Variants in RMC1 observed in about 807,000 individuals in gnomAD.
RMC1 encodes the protein regulator of MON1-CCZ1 complex.
A neutral mutation model predicts 95.5 loss-of-function variants in RMC1; 44 were observed. That is an observed-to-expected ratio of 0.46 (90% CI 0.36 to 0.59). The LOEUF (loss-of-function observed/expected upper bound fraction) is 0.59, where lower values mean the gene tolerates loss of function less well. Ranked by LOEUF, RMC1 falls within the 20% of genes least tolerant of loss-of-function variation. The pLI, the probability that RMC1 is intolerant of heterozygous loss-of-function variation, is 0.00. For missense variants in RMC1, 705 were observed against 819.6 expected, an observed-to-expected ratio of 0.86 and a Z score of 1.71; for synonymous variants, 320 against 303.6, an observed-to-expected ratio of 1.05 and a Z score of -0.56.
At chr18:23,510,931 G>C (rs548117639) in intron 5 of RMC1, among the ~76,000 whole-genome samples, 2 of 152,344 alleles carry the variant, frequency 1.3e-5, no homozygotes, top group African/African-American at 4.8e-5. Flanking sequence ...TCCTCAGAGA[G>C]CTAAAAGCAG....
At chr18:23,512,969 T>G (rs2057902489) in intron 5 of RMC1, among the ~76,000 whole-genome samples, 1 of 152,118 alleles carries the variant, frequency 6.6e-6, no homozygotes, top group Non-Finnish European at 1.5e-5. Context: ...CTCCTTTTTT[T>G]TTAAGATGGA....
intron 5 of RMC1, among the ~76,000 whole-genome samples, chr18:23,515,275 CT>C (rs2057969767): frequency 6.6e-6 from 1 of 152,196 alleles, no homozygotes; most frequent in African/African-American, 2.4e-5. Flanking sequence ...GCTATAATTG[CT>C]TTGTTAAGGG....
intron 16 of RMC1, 28 bp from the exon 17 acceptor site, chr18:23,530,000 T>G (rs936330587): frequency 1.2e-5 from 19 of 1,574,866 alleles, no homozygotes; most frequent in Non-Finnish European, 1.7e-5. Flanking sequence ...TTTGGAAGTG[T>G]TCTTTCACTT....
chr18:23,525,187 C>T (rs1470017853), intron 12 of RMC1, among the ~76,000 whole-genome samples: 3 of 151,818 alleles, frequency 2.0e-5, no homozygotes, highest in Non-Finnish European at 1.5e-5. Context: ...CTCAGGTGAT[C>T]CGCCTGCCTC....
At chr18:23,531,492 C>A (rs2058505273) in intron 19 of RMC1, 133 bp from the exon 20 acceptor site, 2 of 1,463,768 alleles carry the variant, frequency 1.4e-6, no homozygotes, top group Non-Finnish European at 1.8e-6. Context: ...TAGGGTAACC[C>A]CAAAACTTAG....
Position 23,509,631 on chromosome 18 carries a change from C to T in RMC1, c.408+352C>T, listed in dbSNP as rs144099036. Reference sequence around the variant, plus strand: ...CTGGTGGAGTGCAATGGCGCGATCTCGGCTCACCGCAACCTCCGCCTCCCA... The same window carrying T: ...CTGGTGGAGTGCAATGGCGCGATCTTGGCTCACCGCAACCTCCGCCTCCCA... On this transcript the variant is annotated intron_variant, in intron 5 of 19. Coordinates refer to ENST00000269221, the MANE Select transcript of RMC1 (RefSeq NM_013326.5). The T allele has an allele frequency of 3.4e-4, 52 of 153,064 alleles. No homozygotes were observed. The East Asian group carries it at 8.3e-3, about 25-fold the overall frequency. 9.5% of individuals were successfully genotyped at this position (153,064 alleles called of 1,614,324 possible). A position where few individuals can be genotyped will look rare whatever the true frequency, so the allele number is the denominator to read the frequency against.
intron 8 of RMC1, 29 bp downstream of exon 8, chr18:23,519,008 T>G (rs369095754): frequency 2.1e-5 from 34 of 1,613,418 alleles, no homozygotes; most frequent in Non-Finnish European, 2.9e-5. Flanking sequence ...TTTCCCTCTC[T>G]CTCTGATTTT....
intron 10 of RMC1, among the ~76,000 whole-genome samples, 159 bp from the exon 11 acceptor site, chr18:23,523,971 C>T (rs1013469802): frequency 2.0e-5 from 3 of 152,142 alleles, no homozygotes; most frequent in East Asian, 1.9e-4. Context: ...CCTCCCCGTA[C>T]GTGCTTTCAG....
At position 23,515,912 on chromosome 18, in the gene RMC1, T is replaced by C. The variant is rs202129997; in HGVS notation, c.465T>C (p.Asn155=). ...KLLKSHNLNV[N]WYMYCPESAV... ...TGAAGAGCCACAATCTCAATGTGAA[T>C]TGGTACATGTACTGCCCCGAGAGCG... The change falls in exon 6 of 20, where the codon AAT becomes AAC. Residue 155 remains asparagine, a synonymous_variant. Transcript: ENST00000269221. 59 of 1,614,026 alleles carry C rather than the reference T, an allele frequency of 3.7e-5. No homozygotes were observed. Among genetic ancestry groups the C allele is most frequent in the Non-Finnish European group, 5.0e-5 (59 of 1,180,026 alleles).
At chr18:23,529,423 G>C (rs2058416076) in intron 15 of RMC1, 125 bp downstream of exon 15, 1 of 1,434,266 alleles carries the variant, frequency 7.0e-7, no homozygotes, top group Non-Finnish European at 9.2e-7. Flanking sequence ...GTTTCCTTGG[G>C]TGAGGCCCTA....
At position 23,520,200 on chromosome 18, in the gene RMC1, A is replaced by C; in HGVS notation, c.850-2A>C. 1.2e-6 allele frequency: 2 copies of C among 1,610,948 alleles called. No homozygotes were observed. Among genetic ancestry groups the C allele is most frequent in the Non-Finnish European group, 1.7e-6 (2 of 1,177,178 alleles). Reference sequence around the variant, plus strand: ...CCTCAGTCTTGTCTTTTTCCCCCCCAGACATCGGTAATATTCGATATCAAG... The same window carrying C: ...CCTCAGTCTTGTCTTTTTCCCCCCCCGACATCGGTAATATTCGATATCAAG... On this transcript the variant is annotated splice_acceptor_variant, in intron 9 of 19. Transcript: ENST00000269221. LOFTEE classifies it high-confidence loss of function.
Position 23,527,406 on chromosome 18 carries a change from A to T in RMC1, c.1190-389A>T, listed in dbSNP as rs115650809. On this transcript the variant is annotated intron_variant, in intron 13 of 19. Transcript: ENST00000269221. ...GAGCAAGACCCTGTATCCAAAAAAA[A>T]ATAATAATAATAATCCCCTACCAAT... Among the ~76,000 whole-genome samples the T allele has an allele frequency of 3.4e-3, 519 of 151,408 alleles. 3 individuals carry two copies. Among genetic ancestry groups the T allele is most frequent in the African/African-American group, 0.012 (501 of 41,264 alleles).
chr18:23,509,246 C>G lies in RMC1; in HGVS notation c.375C>G (p.Val125=). ...GFCWTSSTEI[V]FITDQGIEFY... ...GCTGGACTAGTTCAACTGAAATTGT[C>G]TTCATAACAGATCAAGGAATCGAAT... The change falls in exon 5 of 20, where the codon GTC becomes GTG. Residue 125 remains valine, a synonymous_variant. Transcript: ENST00000269221. 6.9e-7 allele frequency: 1 copy of G among 1,457,904 alleles called. No homozygotes were observed. Among genetic ancestry groups the G allele is most frequent in the Non-Finnish European group, 9.1e-7 (1 of 1,101,820 alleles). 90.3% of individuals were successfully genotyped at this position (1,457,904 alleles called of 1,614,324 possible).
At chr18:23,524,098 C>A in intron 10 of RMC1, 32 bp from the exon 11 acceptor site, 1 of 1,612,618 alleles carries the variant, frequency 6.2e-7, no homozygotes, top group Non-Finnish European at 8.5e-7. Context: ...TTTCTGACTG[C>A]ATCGTTGCAC....
intron 13 of RMC1, 74 bp from the exon 14 acceptor site, chr18:23,527,721 C>T (rs2058347711): frequency 1.6e-5 from 19 of 1,159,726 alleles, no homozygotes; most frequent in Non-Finnish European, 2.3e-5. Flanking sequence ...TAGTTTTTAT[C>T]ATAGCAACGT....
At chr18:23,525,027 A>G (rs929722429) in intron 12 of RMC1, among the ~76,000 whole-genome samples, 6 of 141,978 alleles carry the variant, frequency 4.2e-5, no homozygotes, top group Admixed American at 1.5e-4. Context: ...GCTCACTGCA[A>G]CCTCCGCCTC....
chr18:23,518,856 A>G (rs766871888), intron 7 of RMC1, 34 bp from the exon 8 acceptor site: 100 of 1,591,950 alleles, frequency 6.3e-5, no homozygotes, highest in Non-Finnish European at 7.9e-5. Context: ...TTGAATGGCC[A>G]GATGTGATTT....
At chr18:23,514,510 T>C (rs1873397726) in intron 5 of RMC1, among the ~76,000 whole-genome samples, 2 of 152,016 alleles carry the variant, frequency 1.3e-5, no homozygotes, top group African/African-American at 4.8e-5. Context: ...TGAGCCGAGA[T>C]TGTGCCACTG....
Position 23,530,530 on chromosome 18 carries a change from A to G in RMC1, c.1812A>G (p.Glu604=). The change falls in exon 19 of 20, where the codon GAA becomes GAG. Residue 604 remains glutamate (E), a synonymous_variant. Coordinates refer to ENST00000269221, the MANE Select transcript of RMC1 (RefSeq NM_013326.5). ...RKFLDAAKQT[E]DNMLFYTIFR... is the part of the protein sequence containing the mutation. ...TTTTAGATGCTGCAAAGCAGACTGA[A>G]GACAACATGCTTTTCTATACAATAT... 2 of 1,614,276 alleles carry G rather than the reference A, an allele frequency of 1.2e-6. No individual in the cohort carries two copies. The highest frequency in any genetic ancestry group is 1.7e-6 in the Non-Finnish European group (2 of 1,180,050).
Sources: allele counts gnomAD v4.1 joint callset (sites outside exome capture counted in the v4.1 genomes callset), GRCh38; gene constraint gnomAD v4.1.1; transcripts MANE v1.5; gene names NCBI Gene and HGNC (gene_info 2026-07-23, HGNC 2026-07-21).